HLCS: variants seen among roughly 807,000 people sequenced by gnomAD.
The protein encoded by HLCS is holocarboxylase synthetase, also known as biotin--protein ligase.
HLCS carries 53 observed loss-of-function variants against 75.0 expected under a neutral mutation model. The observed-to-expected ratio is 0.71, with a 90% CI of 0.57 to 0.89. The LOEUF is 0.89. HLCS is among the 40% of genes least tolerant of loss of function. The pLI, the probability that HLCS is intolerant of heterozygous loss-of-function variation, is 0.00. For synonymous variants in HLCS, 431 were observed against 428.6 expected, an observed-to-expected ratio of 1.01 and a Z score of -0.07; for missense variants, 966 against 1,074.0, an observed-to-expected ratio of 0.90 and a Z score of 1.41.
Position 36,936,694 on chromosome 21 carries a change from T to A in HLCS, c.1192A>T (p.Thr398Ser). 6.2e-7 allele frequency: 1 copy of A among 1,614,108 alleles called. No individual in the cohort carries two copies. Among genetic ancestry groups the A allele is most frequent in the Non-Finnish European group, 8.5e-7 (1 of 1,180,022 alleles). ...GKVLGLSSSF[T>S]FGGFQVTSKG... ...CTTGTCACCTGAAAGCCACCAAAGG[T>A]GAAGGATGAAGACAGGCCCAACACC... Residue 398 changes from threonine (T) to serine (S), a missense_variant, in exon 4 of 11, where the codon ACC becomes TCC. Physicochemically the swap from Thr to Ser is moderately conservative, Grantham distance 58. Transcript: ENST00000674895.
chr21:36,839,230 C>T (rs762788978), intron 6 of HLCS, among the ~76,000 whole-genome samples: 2 of 152,184 alleles, frequency 1.3e-5, no homozygotes, highest in Admixed American at 6.5e-5. Flanking sequence ...ATTAGCATGT[C>T]CACTTCATGA....
chr21:36,869,101 T>A (rs9680246), intron 6 of HLCS, among the ~76,000 whole-genome samples: 65 of 26,766 alleles, frequency 2.4e-3, no homozygotes, highest in Middle Eastern at 0.024. Context: ...ATGTTTAATT[T>A]ATTTATTTAT....
intron 7 of HLCS, among the ~76,000 whole-genome samples, chr21:36,765,991 AG>A (rs1173780876): frequency 6.6e-6 from 1 of 152,164 alleles, no homozygotes; most frequent in African/African-American, 2.4e-5. Context: ...CTGTTTAAAA[AG>A]GGATTCCTGA....
intron 4 of HLCS, among the ~76,000 whole-genome samples, chr21:36,931,144 G>A (rs898570937): frequency 7.2e-5 from 11 of 152,046 alleles, no homozygotes; most frequent in South Asian, 2.1e-4. Flanking sequence ...TTAGCCAGGC[G>A]TGGTTGCATG....
chr21:36,895,081 C>T (rs1038418100), intron 6 of HLCS, among the ~76,000 whole-genome samples: 8 of 152,140 alleles, frequency 5.3e-5, no homozygotes, highest in Admixed American at 2.0e-4. Context: ...CTTGGTGACA[C>T]GCTGCCTGGC....
chr21:36,912,878 A>G (rs1016890589), intron 5 of HLCS, among the ~76,000 whole-genome samples: 5 of 152,152 alleles, frequency 3.3e-5, no homozygotes, highest in Non-Finnish European at 7.3e-5. Flanking sequence ...GCTGTCCCTG[A>G]GTATCACTAA....
intron 6 of HLCS, among the ~76,000 whole-genome samples, chr21:36,890,137 C>T (rs1369393883): frequency 1.3e-5 from 2 of 152,136 alleles, no homozygotes; most frequent in Non-Finnish European, 2.9e-5. Context: ...CCTTCCGCCA[C>T]GATTGTAAGT....
intron 6 of HLCS, among the ~76,000 whole-genome samples, chr21:36,843,147 G>A (rs1193167051): frequency 1.3e-5 from 2 of 152,210 alleles, no homozygotes; most frequent in Non-Finnish European, 2.9e-5. Context: ...AGAAATATCT[G>A]TTAAGATACT....
intron 5 of HLCS, among the ~76,000 whole-genome samples, chr21:36,915,220 C>G (rs931359028): frequency 6.6e-6 from 1 of 152,220 alleles, no homozygotes; most frequent in African/African-American, 2.4e-5. Flanking sequence ...CTGGGCTGAC[C>G]GCAGCTTCTT....
chr21:36,767,940 A>G (rs1568979875), intron 6 of HLCS, among the ~76,000 whole-genome samples: 1 of 152,250 alleles, frequency 6.6e-6, no homozygotes, highest in Non-Finnish European at 1.5e-5. Flanking sequence ...GGGGATAGGT[A>G]GAAAAGGGCA....
chr21:36,871,143 G>A (rs1453649860), intron 6 of HLCS, among the ~76,000 whole-genome samples: 2 of 152,184 alleles, frequency 1.3e-5, no homozygotes, highest in Non-Finnish European at 2.9e-5. Flanking sequence ...CAGGCTGCAT[G>A]ATATGAGGTG....
At chr21:36,851,574 G>A (rs1024754233) in intron 6 of HLCS, among the ~76,000 whole-genome samples, 9 of 152,164 alleles carry the variant, frequency 5.9e-5, no homozygotes, top group South Asian at 2.1e-4. Context: ...GGACAAAATA[G>A]TAGTTAGAAA....
At chr21:36,790,472 A>G (rs2060828387) in intron 6 of HLCS, among the ~76,000 whole-genome samples, 1 of 152,172 alleles carries the variant, frequency 6.6e-6, no homozygotes, top group African/African-American at 2.4e-5. Flanking sequence ...AGAGGGTGAA[A>G]ACAGCCAACA....
chr21:36,807,973 G>A (rs758628008), intron 6 of HLCS, among the ~76,000 whole-genome samples: 3 of 152,004 alleles, frequency 2.0e-5, no homozygotes, highest in South Asian at 2.1e-4. Flanking sequence ...AAACACTACC[G>A]TGCCACTTTA....
chr21:36,882,491 A>G (rs2064265229), intron 6 of HLCS, among the ~76,000 whole-genome samples: 1 of 151,712 alleles, frequency 6.6e-6, no homozygotes, highest in Non-Finnish European at 1.5e-5. Context: ...CCCAGGCTGG[A>G]GTGCAGTGCC....
At chr21:36,934,430 A>G (rs563724251) in intron 4 of HLCS, among the ~76,000 whole-genome samples, 10 of 152,232 alleles carry the variant, frequency 6.6e-5, no homozygotes, top group Non-Finnish European at 1.0e-4. Context: ...CACTGCTGCC[A>G]TGTGCTAAGC....
intron 6 of HLCS, among the ~76,000 whole-genome samples, chr21:36,816,951 A>G (rs2061682371): frequency 6.6e-6 from 1 of 152,212 alleles, no homozygotes; most frequent in Non-Finnish European, 1.5e-5. Flanking sequence ...GTCAGCTGTG[A>G]GCACTGCTCA....
Position 36,951,447 on chromosome 21 carries a change from A to G in HLCS, c.330+10589T>C, listed in dbSNP as rs1005858641. 3.3e-5 allele frequency among the ~76,000 whole-genome samples: 5 copies of G among 152,202 alleles called. No individual in the cohort carries two copies. The South Asian group carries it at 8.3e-4, about 25-fold the overall frequency. On this transcript the variant is annotated intron_variant, in intron 2 of 10. Coordinates refer to ENST00000674895, the MANE Select transcript of HLCS (RefSeq NM_001352514.2). ...AAACCTCAGACATCATCTACCCTGG[A>G]AAGTCCTTCCTGACCTCACGCATCT...
chr21:36,959,766 G>A lies in HLCS; in HGVS notation c.330+2270C>T, dbSNP rs117731543. On this transcript the variant is annotated intron_variant, in intron 2 of 10. Coordinates refer to ENST00000674895, the MANE Select transcript of HLCS (RefSeq NM_001352514.2). The stretch of plus-strand genomic sequence containing the variant: ...CTCCTGAGAGCTGTTCTGCCACTCA[G>A]TGAAGTTCCTCTCTGCCTTGCTCAC... Among the ~76,000 whole-genome samples, 557 of 152,336 alleles carry A rather than the reference G, an allele frequency of 3.7e-3. 1 individual carries two copies. Among genetic ancestry groups the A allele is most frequent in the Non-Finnish European group, 6.4e-3 (435 of 68,032 alleles).
Sources: gnomAD v4.1 joint callset for allele counts (sites outside exome capture counted in the v4.1 genomes callset) on GRCh38, gnomAD v4.1.1 for gene constraint, MANE v1.5 for transcripts, NCBI Gene and HGNC (gene_info 2026-07-23, HGNC 2026-07-21) for gene names.